Variants in TST observed in about 807,000 individuals in gnomAD.
The protein encoded by TST is thiosulfate sulfurtransferase.
Under a neutral mutation model 20.4 loss-of-function variants are expected in TST, and 22 were observed. The observed-to-expected ratio is 1.08, with a 90% CI of 0.77 to 1.54. TST has a LOEUF of 1.54. Ranked by LOEUF, TST falls within the 40% of genes most tolerant of loss-of-function variation. The pLI is 0.00. For synonymous variants in TST, 187 were observed against 173.8 expected (o/e 1.08, Z -0.60); for missense variants, 392 against 405.2 (o/e 0.97, Z 0.28).
At chr22:37,012,524 A>G (rs768443295) in intron 2 of TST, among the ~76,000 whole-genome samples, 4 of 152,118 alleles carry the variant, frequency 2.6e-5, no homozygotes, top group South Asian at 2.1e-4. Flanking sequence ...CCAGTGCCCA[A>G]CCTGCACTTT....
At chr22:37,018,085 A>G in intron 2 of TST, 53 bp downstream of exon 2, 2 of 1,375,744 alleles carry the variant, frequency 1.5e-6, no homozygotes, top group Non-Finnish European at 2.0e-6. Context: ...CTTACTCCCT[A>G]TCCTTCCATG....
At chr22:37,017,451 G>A (rs914404766) in intron 2 of TST, among the ~76,000 whole-genome samples, 3 of 152,146 alleles carry the variant, frequency 2.0e-5, no homozygotes, top group African/African-American at 4.8e-5. Context: ...CATTGGATTC[G>A]AATCCTGCCT....
intron 2 of TST, among the ~76,000 whole-genome samples, chr22:37,013,049 A>G (rs55930977): frequency 1.4e-3 from 218 of 151,976 alleles, no homozygotes; most frequent in African/African-American, 5.0e-3. Flanking sequence ...TCTCAAAGAA[A>G]AAAAAAAAGT....
chr22:37,016,501 C>T (rs1236607855), intron 2 of TST, among the ~76,000 whole-genome samples: 1 of 152,170 alleles, frequency 6.6e-6, no homozygotes. Flanking sequence ...GGCCATTCTC[C>T]TCCTCTGAGC....
chr22:37,018,893 G>T, intron 1 of TST, 140 bp from the exon 2 acceptor site: 1 of 595,212 alleles, frequency 1.7e-6, no homozygotes, highest in Non-Finnish European at 2.7e-6. Flanking sequence ...AGCGAGGCTG[G>T]GGCGTGCAGC....
intron 2 of TST, among the ~76,000 whole-genome samples, chr22:37,017,812 C>G (rs770736999): frequency 7.2e-5 from 11 of 152,096 alleles, no homozygotes; most frequent in Non-Finnish European, 1.5e-4. Flanking sequence ...GGCATGACAC[C>G]CTTAGGTATA....
At chr22:37,011,621 A>G (rs2145894103) in intron 2 of TST, among the ~76,000 whole-genome samples, 1 of 152,284 alleles carries the variant, frequency 6.6e-6, no homozygotes, top group Non-Finnish European at 1.5e-5. Context: ...CCTTGGGCAA[A>G]TCATTTCACT....
Position 37,010,970 on chromosome 22 carries a change from G to GTT in TST, c.*56_*57insAA. 1 of 1,560,072 alleles carries GTT rather than the reference G, an allele frequency of 6.4e-7. No individual in the cohort carries two copies. Among genetic ancestry groups the GTT allele is most frequent in the Non-Finnish European group, 8.7e-7 (1 of 1,149,906 alleles). Reference sequence around the variant, plus strand: ...TTCACCTAAGAGGTAAGAACCGGCTGTAAGTCATGGGGTCACTAAACCGGC... The same window carrying GTT: ...TTCACCTAAGAGGTAAGAACCGGCTGTTTAAGTCATGGGGTCACTAAACCGGC... On this transcript the variant is annotated 3_prime_UTR_variant, in exon 3 of 3. Coordinates refer to ENST00000249042, the MANE Select transcript of TST (RefSeq NM_003312.6).
rs541630759 is a variant in TST, at chr22:37,012,775, G to A, written c.596-1450C>T. On this transcript the variant is annotated intron_variant, in intron 2 of 2. Coordinates refer to ENST00000249042, the MANE Select transcript of TST (RefSeq NM_003312.6). ...CAAAACCCCACCTAGGCCGGATGCA[G>A]TGGCTCACGCCTGTAGTCCCAGCAC... Among the ~76,000 whole-genome samples the A allele has an allele frequency of 1.0e-3, 155 of 152,374 alleles. 1 individual carries two copies. The highest frequency in any genetic ancestry group is 3.4e-3 in the Middle Eastern group (1 of 294).
At chr22:37,019,968 G>C, upstream of TST, 1 of 582,520 alleles carries the variant, frequency 1.7e-6, no homozygotes, top group Non-Finnish European at 2.5e-6. Flanking sequence ...GACCTGGGCG[G>C]AAGAGGGGGC....
intron 2 of TST, among the ~76,000 whole-genome samples, chr22:37,015,070 A>G (rs867415042): frequency 2.6e-5 from 4 of 151,954 alleles, no homozygotes; most frequent in Admixed American, 6.6e-5. Flanking sequence ...CTTACAGCTC[A>G]CCCCACCCAC....
Position 37,018,753 on chromosome 22 carries a change from C to A in TST, c.-21G>T. On this transcript the variant is annotated splice_region_variant and 5_prime_UTR_variant, in exon 2 of 3. Transcript: ENST00000249042. ...ACCATGGCTTCAGCTCTGCGTGTCA[C>A]CTGGCACGGGTGGGAACCAGGAAAG... The A allele has an allele frequency of 6.8e-7, 1 of 1,460,176 alleles. No individual in the cohort carries two copies. The allele number at this position is 1,460,176 out of a possible 1,614,324, so 90.5% of individuals were successfully genotyped here. A position where few individuals can be genotyped will look rare whatever the true frequency, so the allele number is the denominator to read the frequency against.
upstream of TST, chr22:37,019,549 C>T (rs1436324799): frequency 6.6e-6 from 1 of 152,134 alleles, no homozygotes; most frequent in Non-Finnish European, 1.4e-5. Context: ...CGCGCCTCCC[C>T]CGCGCGGCCG....
upstream of TST, chr22:37,020,105 T>G (rs1922957413): frequency 6.6e-5 from 24 of 362,472 alleles, no homozygotes; most frequent in Non-Finnish European, 6.8e-5. Flanking sequence ...GGTGACCTGG[T>G]GGCACCAGAG....
chr22:37,012,816 T>C (rs1271794009), intron 2 of TST, among the ~76,000 whole-genome samples: 1 of 151,916 alleles, frequency 6.6e-6, no homozygotes, highest in Non-Finnish European at 1.5e-5. Context: ...GAGGCTGAGG[T>C]GGGTGGATCA....
intron 1 of TST, 78 bp from the exon 2 acceptor site, chr22:37,018,831 A>T: frequency 9.5e-7 from 1 of 1,053,460 alleles, no homozygotes; most frequent in South Asian, 1.9e-5. Flanking sequence ...GAGGCCTGGG[A>T]GAAGCTCTTT....
chr22:37,018,776 AAG>A (rs1922822180), intron 1 of TST, 23 bp from the exon 2 acceptor site: 5 of 1,430,850 alleles, frequency 3.5e-6, no homozygotes, highest in African/African-American at 2.9e-5. Context: ...GGAACCAGGA[AAG>A]AGAGACAGGC....
At chr22:37,019,704 C>T, upstream of TST, 3 of 398,102 alleles carry the variant, frequency 7.5e-6, no homozygotes, top group Non-Finnish European at 1.3e-5. Context: ...GTGGAAGGCG[C>T]GGGCAGCAGC....
intron 2 of TST, among the ~76,000 whole-genome samples, chr22:37,014,489 C>T (rs1413019563): frequency 1.3e-5 from 2 of 152,224 alleles, no homozygotes; most frequent in Non-Finnish European, 2.9e-5. Flanking sequence ...GCTCTCCCTG[C>T]CCCCAGCAGG....
Sources: allele counts gnomAD v4.1 joint callset (sites outside exome capture counted in the v4.1 genomes callset), GRCh38; gene constraint gnomAD v4.1.1; transcripts MANE v1.5; gene names NCBI Gene and HGNC (gene_info 2026-07-23, HGNC 2026-07-21).